The following XIRP2 variants were observed in gnomAD, a reference collection of about 807,000 sequenced individuals.
XIRP2 encodes the protein xin actin binding repeat containing 2, also known as xin actin-binding repeat-containing protein 2.
A neutral mutation model predicts 277.0 loss-of-function variants in XIRP2; 236 were observed. The observed-to-expected ratio is 0.85, with a 90% CI of 0.77 to 0.95. XIRP2 has a LOEUF of 0.95. Ranked by LOEUF, XIRP2 falls within the 40% of genes least tolerant of loss-of-function variation. The pLI, the probability that XIRP2 is intolerant of heterozygous loss-of-function variation, is 0.00. For missense variants in XIRP2, 4,640 were observed against 4,157.5 expected, an observed-to-expected ratio of 1.12 and a Z score of -3.19; for synonymous variants, 1,490 against 1,416.5, an observed-to-expected ratio of 1.05 and a Z score of -1.17.
At chr2:167,079,827 A>G (rs1214720209) in intron 2 of XIRP2, among the ~76,000 whole-genome samples, 1 of 151,804 alleles carries the variant, frequency 6.6e-6, no homozygotes, top group African/African-American at 2.4e-5. Flanking sequence ...TTGAGTCTCA[A>G]TTTCATTCCA....
chr2:167,211,584 T>A (rs1001703693), intron 4 of XIRP2, among the ~76,000 whole-genome samples: 3 of 152,160 alleles, frequency 2.0e-5, no homozygotes, highest in Admixed American at 2.0e-4. Context: ...CTCAGGAAGG[T>A]CGGGAATTAA....
chr2:167,083,062 T>A (rs1437275595), intron 2 of XIRP2, among the ~76,000 whole-genome samples: 1 of 152,092 alleles, frequency 6.6e-6, no homozygotes, highest in Non-Finnish European at 1.5e-5. Context: ...TCTTCTAGGG[T>A]TTTTTATGGT....
intron 10 of XIRP2, among the ~76,000 whole-genome samples, chr2:167,256,011 A>AT (rs1574006501): frequency 1.3e-5 from 2 of 151,618 alleles, no homozygotes; most frequent in East Asian, 1.9e-4. Flanking sequence ...TAAGATGTAT[A>AT]TTTTTTCTTA....
chr2:167,026,805 A>ATTC (rs1298709795), intron 2 of XIRP2, among the ~76,000 whole-genome samples: 1 of 151,994 alleles, frequency 6.6e-6, no homozygotes, highest in African/African-American at 2.4e-5. Flanking sequence ...TGGGTTGAAT[A>ATTC]TTCTTTTCTT....
chr2:167,231,430 G>T (rs1354873184), intron 5 of XIRP2, among the ~76,000 whole-genome samples: 1 of 151,874 alleles, frequency 6.6e-6, no homozygotes, highest in Non-Finnish European at 1.5e-5. Context: ...AGTAAGATTT[G>T]GATAGTGCTT....
chr2:167,209,666 T>C (rs1004150503), intron 3 of XIRP2, among the ~76,000 whole-genome samples: 6 of 151,962 alleles, frequency 3.9e-5, no homozygotes, highest in African/African-American at 1.5e-4. Flanking sequence ...AACATGCCCT[T>C]GAAATGATTT....
chr2:167,144,900 A>T (rs1691821687), intron 3 of XIRP2, among the ~76,000 whole-genome samples: 1 of 152,152 alleles, frequency 6.6e-6, no homozygotes, highest in African/African-American at 2.4e-5. Flanking sequence ...GGAAGTTCAG[A>T]TGGTCATACT....
At position 167,172,381 on chromosome 2, in the gene XIRP2, G is replaced by A. The variant is rs1163582839; in HGVS notation, c.562+36319G>A. 4.6e-5 allele frequency among the ~76,000 whole-genome samples: 7 copies of A among 152,190 alleles called. No individual in the cohort carries two copies. The East Asian group carries it at 1.3e-3, about 29-fold the overall frequency. On this transcript the variant is annotated intron_variant, in intron 3 of 10. Coordinates refer to ENST00000409195, the MANE Select transcript of XIRP2 (RefSeq NM_152381.6). The stretch of plus-strand genomic sequence containing the variant: ...GCTAATGAAGTTTCGGGCACGCATT[G>A]TCATTGATAACCTCTTATCAGGAGA...
At chr2:166,933,142 CTT>C (rs939525197) in intron 2 of XIRP2, among the ~76,000 whole-genome samples, 1 of 151,364 alleles carries the variant, frequency 6.6e-6, no homozygotes, top group Non-Finnish European at 1.5e-5. Flanking sequence ...ATAAATTAAA[CTT>C]ATATATCAAT....
At chr2:167,101,529 C>T (rs1317491650) in intron 2 of XIRP2, among the ~76,000 whole-genome samples, 2 of 152,132 alleles carry the variant, frequency 1.3e-5, no homozygotes, top group African/African-American at 4.8e-5. Flanking sequence ...GTCTTTGTAT[C>T]CTCATAGCTT....
chr2:166,933,239 C>T (rs1002575852), intron 2 of XIRP2, among the ~76,000 whole-genome samples: 5 of 151,472 alleles, frequency 3.3e-5, no homozygotes, highest in South Asian at 4.2e-4. Context: ...AGCTCCACCT[C>T]CCGGGTTCAC....
At chr2:166,908,980 C>G (rs189786460) in intron 2 of XIRP2, among the ~76,000 whole-genome samples, 2,148 of 152,218 alleles carry the variant, frequency 0.014, 126 homozygotes, top group Admixed American at 0.1. Context: ...GTCTATATCT[C>G]TGTTTTGGTA....
chr2:166,939,695 A>C (rs1301619313), intron 2 of XIRP2, among the ~76,000 whole-genome samples: 7 of 136,096 alleles, frequency 5.1e-5, no homozygotes, highest in Non-Finnish European at 8.1e-5. Context: ...AAAAAAAAAA[A>C]AAACAAAAAA....
chr2:166,995,234 T>C (rs1276226117), intron 2 of XIRP2, among the ~76,000 whole-genome samples: 1 of 152,186 alleles, frequency 6.6e-6, no homozygotes, highest in Non-Finnish European at 1.5e-5. Flanking sequence ...AAGAAATTGC[T>C]AGTGTATGTA....
intron 1 of XIRP2, among the ~76,000 whole-genome samples, chr2:166,890,669 T>C (rs1030502985): frequency 7.2e-5 from 11 of 152,180 alleles, no homozygotes; most frequent in Non-Finnish European, 1.2e-4. Flanking sequence ...GTATTCTGTA[T>C]GTGGGTGTAG....
intron 2 of XIRP2, among the ~76,000 whole-genome samples, chr2:167,027,291 C>T (rs1688192905): frequency 6.6e-6 from 1 of 152,118 alleles, no homozygotes; most frequent in South Asian, 2.1e-4. Flanking sequence ...TCCAGTTTAT[C>T]ACATCAGCTC....
chr2:167,258,796 G>C lies in XIRP2; in HGVS notation c.*979G>C. On this transcript the variant is annotated 3_prime_UTR_variant, in exon 11 of 11. Coordinates refer to ENST00000409195, the MANE Select transcript of XIRP2 (RefSeq NM_152381.6). ...ACACTGCAAATGAATATGAAATTGA[G>C]AAGTTAGAAAATACATCTAGAATCT... 1 of 1,613,210 alleles carries C rather than the reference G, an allele frequency of 6.2e-7. No homozygotes were observed. The highest frequency in any genetic ancestry group is 1.7e-4 in the Middle Eastern group (1 of 6,058).
In XIRP2 at chr2:167,249,821, C is replaced by T. The variant is rs1350723172; in HGVS notation, c.8429C>T (p.Ser2810Phe). 6.8e-6 allele frequency: 11 copies of T among 1,613,210 alleles called. No homozygotes were observed. Among genetic ancestry groups the T allele is most frequent in the African/African-American group, 1.3e-5 (1 of 74,790 alleles). ...VPRKQREFSGSDRGKLPGSEE... is the reference protein window; with the variant it reads ...VPRKQREFSGFDRGKLPGSEE... ...AGGAAGCAAAGAGAATTTAGCGGAT[C>T]TGACAGAGGGAAACTTCCAGGAAGT... Residue 2810 changes from serine to phenylalanine, a missense_variant, in exon 9 of 11, where the codon TCT (serine) becomes TTT (phenylalanine). Ser to Phe is a radical substitution (Grantham distance 155, BLOSUM62 -2). Coordinates refer to ENST00000409195, the MANE Select transcript of XIRP2 (RefSeq NM_152381.6).
chr2:167,090,633 G>T (rs1228687051), intron 2 of XIRP2, among the ~76,000 whole-genome samples: 2 of 152,114 alleles, frequency 1.3e-5, no homozygotes, highest in Non-Finnish European at 2.9e-5. Context: ...AGGCTGAGAA[G>T]CCTAGGAGCA....
Sources: allele counts gnomAD v4.1 joint callset (sites outside exome capture counted in the v4.1 genomes callset), GRCh38; gene constraint gnomAD v4.1.1; transcripts MANE v1.5; gene names NCBI Gene and HGNC (gene_info 2026-07-23, HGNC 2026-07-21).